FABP4: variants seen among roughly 807,000 people sequenced by gnomAD.
The protein encoded by FABP4 is fatty acid binding protein 4.
A neutral mutation model predicts 14.6 loss-of-function variants in FABP4; 17 were observed. That is an observed-to-expected ratio of 1.16 (90% confidence interval 0.80 to 1.74). The LOEUF is 1.74. Among genes scored for constraint, FABP4 ranks in the 40% most tolerant of loss-of-function variants. The pLI, the probability that FABP4 is intolerant of heterozygous loss-of-function variation, is 0.00. For synonymous variants in FABP4, 54 were observed against 54.6 expected (o/e 0.99, Z 0.05); for missense variants, 149 against 160.3 (o/e 0.93, Z 0.38).
rs530680069 is a variant in FABP4, at chr8:81,478,869, G to T, written c.395C>A (p.Ala132Glu). ...GVTSTRVYER[A>E] The stretch of plus-strand genomic sequence containing the variant: ...TCCAGGTCAACGTCCCTTGGCTTAT[G>T]CTCTCTCATAAACTCTCGTGGAAGT... The change falls in exon 4 of 4, where the codon GCA becomes GAA. Residue 132 changes from alanine to glutamate, a missense_variant. By Grantham distance (107) the Ala-to-Glu change is moderately radical (BLOSUM62 -1). Coordinates refer to ENST00000256104, the MANE Select transcript of FABP4 (RefSeq NM_001442.3). The T allele has an allele frequency of 3.2e-5, 51 of 1,612,794 alleles. No individual in the cohort carries two copies. In the Middle Eastern group the frequency reaches 6.6e-4, roughly 21 times the overall value.
intron 1 of FABP4, among the ~76,000 whole-genome samples, chr8:81,482,557 A>G (rs985972253): frequency 5.3e-5 from 8 of 152,224 alleles, no homozygotes; most frequent in Non-Finnish European, 8.8e-5. Flanking sequence ...TTTAAGAAAC[A>G]TATTTTCTGA....
At chr8:81,479,684 T>A in intron 2 of FABP4, 169 bp from the exon 3 acceptor site, 1 of 530,734 alleles carries the variant, frequency 1.9e-6, no homozygotes, top group Non-Finnish European at 3.3e-6. Context: ...ACATAACCAC[T>A]TATGGATACG....
rs1808105438 is a variant in FABP4, at chr8:81,483,107, T to C, written c.61A>G (p.Met21Val). Residue 21 changes from methionine to valine, a missense_variant, in exon 1 of 4, where the codon ATG (methionine) becomes GTG (valine). By Grantham distance (21) the Met-to-Val change is conservative (BLOSUM62 1). Coordinates refer to ENST00000256104, the MANE Select transcript of FABP4 (RefSeq NM_001442.3). ...CGCATTTCCTTACCTACTTCTTTCA[T>C]ATAATCATCAAAGTTTTCACTGGAG... The part of the protein sequence containing the change: ...LVSSENFDDY[M>V]KEVGVGFATR... 6.2e-7 allele frequency: 1 copy of C among 1,609,214 alleles called. No individual in the cohort carries two copies. Among genetic ancestry groups the C allele is most frequent in the South Asian group, 1.1e-5 (1 of 89,952 alleles).
In FABP4 at chr8:81,480,297, G is replaced by A. The variant is rs947425501; in HGVS notation, c.246+129C>T. On this transcript the variant is annotated intron_variant, in intron 2 of 3. Transcript: ENST00000256104. ...TCTATATCTAAGGAAACACAGTTTA[G>A]ATGTAGGAGTTCAGGGATCTTTGGC... The A allele has an allele frequency of 9.6e-6, 8 of 836,902 alleles. No homozygotes were observed. In the African/African-American group the frequency reaches 1.2e-4, roughly 13 times the overall value. 51.8% of individuals were successfully genotyped at this position (836,902 alleles called of 1,614,324 possible).
Position 81,478,893 on chromosome 8 carries a change from G to A in FABP4, c.371C>T (p.Thr124Ile), listed in dbSNP as rs149379548. Residue 124 changes from threonine (T) to isoleucine (I), a missense_variant, in exon 4 of 4, where the codon ACT becomes ATT. Transcript: ENST00000256104. ...TGCTCTCTCATAAACTCTCGTGGAA[G>A]TGACGCCTTTCATGACGCATTCCTA... ...LVVECVMKGV[T>I]STRVYERA The A allele has an allele frequency of 1.9e-6, 3 of 1,613,158 alleles. No individual in the cohort carries two copies. The highest frequency in any genetic ancestry group is 2.7e-5 in the African/African-American group (2 of 74,872).
chr8:81,479,285 G>T, intron 3 of FABP4, 129 bp downstream of exon 3: 1 of 752,858 alleles, frequency 1.3e-6, no homozygotes. Flanking sequence ...CAGAGTGGAA[G>T]CATAATTCCA....
At chr8:81,479,106 C>T (rs1234057253) in intron 3 of FABP4, among the ~76,000 whole-genome samples, 191 bp from the exon 4 acceptor site, 2 of 152,070 alleles carry the variant, frequency 1.3e-5, no homozygotes. Flanking sequence ...TTTTCCCCTC[C>T]AGGTGCCTTA....
chr8:81,479,265 G>A (rs541381198), intron 3 of FABP4, 149 bp downstream of exon 3: 75 of 682,284 alleles, frequency 1.1e-4, no homozygotes, highest in African/African-American at 8.1e-4. Context: ...AAAGCATGAA[G>A]GGCAAATGCC....
rs376844160 is a variant in FABP4, at chr8:81,479,512, T to C, written c.250A>G (p.Thr84Ala). 3.7e-6 allele frequency: 6 copies of C among 1,611,544 alleles called. No homozygotes were observed. The African/African-American group carries it at 8.0e-5, about 22-fold the overall frequency. ...AGGACACCCCCATCTAAGGTTATGG[T>C]GCTCTGTAGGCATAAGAAAATGTAA... is the stretch of plus-strand genomic sequence containing the variant. ...VTADDRKVKS[T>A]ITLDGGVLVH... Residue 84 changes from threonine (T) to alanine (A), a missense_variant, in exon 3 of 4, where the codon ACC becomes GCC. By Grantham distance (58) the Thr-to-Ala change is moderately conservative. Transcript: ENST00000256104.
intron 1 of FABP4, among the ~76,000 whole-genome samples, chr8:81,481,930 A>G (rs1307572430): frequency 6.6e-6 from 1 of 152,174 alleles, no homozygotes; most frequent in Non-Finnish European, 1.5e-5. Context: ...CTTTAATTAT[A>G]ATCAGCCCTT....
At position 81,483,152 on chromosome 8, in the gene FABP4, C is replaced by T; in HGVS notation, c.16G>A (p.Val6Ile). ...CTGGAGACAAGTTTCCAGGTACCTA[C>T]AAAAGCATCACACATTTTGTGAGTT... Reference protein sequence around the residue: MCDAFVGTWKLVSSEN... With the variant: MCDAFIGTWKLVSSEN... The change falls in exon 1 of 4, where the codon GTA (valine) becomes ATA (isoleucine). Residue 6 changes from valine (V) to isoleucine (I), a missense_variant. Transcript: ENST00000256104. The T allele has an allele frequency of 6.2e-7, 1 of 1,610,702 alleles. No individual in the cohort carries two copies. The highest frequency in any genetic ancestry group is 8.5e-7 in the Non-Finnish European group (1 of 1,178,540).
intron 3 of FABP4, 118 bp from the exon 4 acceptor site, chr8:81,479,033 C>T: frequency 2.4e-6 from 2 of 839,378 alleles, no homozygotes; most frequent in South Asian, 3.2e-5. Flanking sequence ...TTTCTGGACT[C>T]CTATATATGT....
At position 81,483,192 on chromosome 8, in the gene FABP4, T is replaced by A; in HGVS notation, c.-25A>T. On this transcript the variant is annotated 5_prime_UTR_variant, in exon 1 of 4. In the 5' UTR this introduces an upstream ATG that the reference lacks. Transcript: ENST00000256104. The stretch of plus-strand genomic sequence containing the variant: ...TTTTGTGAGTTTTCTAGGATTATTC[T>A]TCAAGGTGAGAAGGAAGCTGCAGTT... The A allele has an allele frequency of 1.3e-6, 2 of 1,596,024 alleles. No individual in the cohort carries two copies. The highest frequency in any genetic ancestry group is 1.7e-6 in the Non-Finnish European group (2 of 1,169,408).
intron 1 of FABP4, among the ~76,000 whole-genome samples, chr8:81,481,480 C>T (rs1336138232): frequency 6.6e-6 from 1 of 152,178 alleles, no homozygotes; most frequent in Non-Finnish European, 1.5e-5. Flanking sequence ...TACAGCCTAA[C>T]ATAGCAGTAA....
intron 3 of FABP4, among the ~76,000 whole-genome samples, 160 bp downstream of exon 3, chr8:81,479,253 CA>C (rs1270104670): frequency 6.6e-6 from 1 of 152,086 alleles, no homozygotes; most frequent in Non-Finnish European, 1.5e-5. Context: ...TTGTTGAACT[CA>C]AAAGCATGAA....
At position 81,478,738 on chromosome 8, in the gene FABP4, A is replaced by T. The variant is rs1808010028; in HGVS notation, c.*127T>A. ...TAACCAACGTAACCATATTGAATAAAATCAGCTTGGGAGAAAATTAGTTGC... is the reference window on the plus strand; with the variant it reads ...TAACCAACGTAACCATATTGAATAATATCAGCTTGGGAGAAAATTAGTTGC... On this transcript the variant is annotated 3_prime_UTR_variant, in exon 4 of 4. Coordinates refer to ENST00000256104, the MANE Select transcript of FABP4 (RefSeq NM_001442.3). The T allele has an allele frequency of 1.2e-6, 1 of 827,098 alleles. No individual in the cohort carries two copies. 51.2% of individuals were successfully genotyped at this position (827,098 alleles called of 1,614,324 possible).
intron 1 of FABP4, among the ~76,000 whole-genome samples, chr8:81,482,207 G>A (rs986306308): frequency 2.0e-5 from 3 of 152,066 alleles, no homozygotes; most frequent in South Asian, 2.1e-4. Flanking sequence ...AGTGTTTTGC[G>A]ATTTAATGAT....
rs1367013663 is a variant in FABP4, at chr8:81,478,594, A to G, written c.*271T>C. On this transcript the variant is annotated 3_prime_UTR_variant, in exon 4 of 4. Coordinates refer to ENST00000256104, the MANE Select transcript of FABP4 (RefSeq NM_001442.3). Reference sequence around the variant, plus strand: ...TATTATGAAATATGTTATTATTCATATCAGAACAAAGAAATAATGCAAATT... The same window carrying G: ...TATTATGAAATATGTTATTATTCATGTCAGAACAAAGAAATAATGCAAATT... 2.9e-6 allele frequency: 1 copy of G among 339,114 alleles called. No homozygotes were observed. Among genetic ancestry groups the G allele is most frequent in the Non-Finnish European group, 5.4e-6 (1 of 185,294 alleles). 21.0% of individuals were successfully genotyped at this position (339,114 alleles called of 1,614,324 possible).
intron 1 of FABP4, among the ~76,000 whole-genome samples, chr8:81,480,886 A>G (rs954926187): frequency 1.3e-5 from 2 of 152,136 alleles, no homozygotes; most frequent in Non-Finnish European, 2.9e-5. Context: ...ACTTCTCAGG[A>G]GACCCATTGT....
Sources: allele counts gnomAD v4.1 joint callset (sites outside exome capture counted in the v4.1 genomes callset), GRCh38; gene constraint gnomAD v4.1.1; transcripts MANE v1.5; gene names NCBI Gene and HGNC (gene_info 2026-07-23, HGNC 2026-07-21).